NPSR1: variants seen among roughly 807,000 people sequenced by gnomAD.
NPSR1 encodes the protein neuropeptide S receptor.
A neutral mutation model predicts 46.9 loss-of-function variants in NPSR1; 48 were observed. The observed-to-expected ratio is 1.02, with a 90% CI of 0.81 to 1.30. The LOEUF is 1.30. Ranked by LOEUF, NPSR1 falls within the 50% of genes most tolerant of loss-of-function variation. The pLI is 0.00. For missense variants in NPSR1, 450 were observed against 449.5 expected (o/e 1.00, Z -0.01); for synonymous variants, 176 against 168.1 (o/e 1.05, Z -0.36).
At chr7:34,832,296 G>A (rs1299230111) in intron 5 of NPSR1, among the ~76,000 whole-genome samples, 3 of 152,172 alleles carry the variant, frequency 2.0e-5, no homozygotes, top group Admixed American at 6.5e-5. Context: ...CACTCTGGGA[G>A]GCCTAGGCAG....
chr7:34,736,088 A>C (rs576436244), intron 2 of NPSR1, among the ~76,000 whole-genome samples: 1 of 152,226 alleles, frequency 6.6e-6, no homozygotes, highest in African/African-American at 2.4e-5. Context: ...CCAACTTTCT[A>C]CTTTCCTCTA....
At chr7:34,685,571 A>G (rs35784256) in intron 2 of NPSR1, among the ~76,000 whole-genome samples, 2,938 of 152,296 alleles carry the variant, frequency 0.019, 40 homozygotes, top group African/African-American at 0.038. Flanking sequence ...ACTTTCAGAA[A>G]GGGCTATTTG....
At chr7:34,660,546 T>C (rs2128667981) in intron 1 of NPSR1, among the ~76,000 whole-genome samples, 2 of 152,000 alleles carry the variant, frequency 1.3e-5, no homozygotes, top group African/African-American at 4.8e-5. Context: ...TCCCCTTTAA[T>C]CCCCATTGCC....
chr7:34,827,647 G>T, intron 5 of NPSR1, 45 bp downstream of exon 5: 1 of 811,122 alleles, frequency 1.2e-6, no homozygotes. Context: ...GTGGGGCGGG[G>T]GGGGCTTTCC....
chr7:34,716,659 A>T (rs1236164744), intron 2 of NPSR1, among the ~76,000 whole-genome samples: 1 of 152,186 alleles, frequency 6.6e-6, no homozygotes, highest in Non-Finnish European at 1.5e-5. Flanking sequence ...AATTCATTGA[A>T]TATTATGATA....
intron 5 of NPSR1, among the ~76,000 whole-genome samples, chr7:34,828,640 G>A (rs568613913): frequency 3.9e-5 from 6 of 152,326 alleles, no homozygotes; most frequent in East Asian, 1.9e-4. Flanking sequence ...GTAAGCAAAG[G>A]AAGATTATCA....
intron 2 of NPSR1, among the ~76,000 whole-genome samples, chr7:34,769,636 T>C (rs576743837): frequency 2.8e-4 from 42 of 152,308 alleles, no homozygotes; most frequent in African/African-American, 9.4e-4. Flanking sequence ...CTAGAATCAA[T>C]ATTCTGCATT....
chr7:34,796,879 G>A (rs1272312712), intron 3 of NPSR1, among the ~76,000 whole-genome samples: 1 of 152,094 alleles, frequency 6.6e-6, no homozygotes, highest in Non-Finnish European at 1.5e-5. Context: ...GCATACAAAC[G>A]TTTATATCAT....
At chr7:34,659,713 G>A (rs933159397) in intron 1 of NPSR1, among the ~76,000 whole-genome samples, 3 of 152,136 alleles carry the variant, frequency 2.0e-5, no homozygotes, top group African/African-American at 7.2e-5. Context: ...ATGCACATAC[G>A]CAGCCCAGCT....
intron 4 of NPSR1, among the ~76,000 whole-genome samples, chr7:34,813,985 C>A (rs1789118283): frequency 6.6e-6 from 1 of 152,228 alleles, no homozygotes; most frequent in Non-Finnish European, 1.5e-5. Flanking sequence ...CAGCTCCCAG[C>A]ATGATCGATG....
chr7:34,830,845 G>C (rs889814961), intron 5 of NPSR1, among the ~76,000 whole-genome samples: 1 of 152,012 alleles, frequency 6.6e-6, no homozygotes, highest in South Asian at 2.1e-4. Context: ...CTGCTTCATG[G>C]TGAGCTGCTG....
chr7:34,846,778 T>C (rs1790754558), intron 7 of NPSR1, among the ~76,000 whole-genome samples: 1 of 152,184 alleles, frequency 6.6e-6, no homozygotes, highest in African/African-American at 2.4e-5. Context: ...ACAACAGAAT[T>C]GCATTTCTAC....
intron 2 of NPSR1, among the ~76,000 whole-genome samples, chr7:34,775,830 A>T (rs1225524369): frequency 1.3e-5 from 2 of 151,928 alleles, no homozygotes; most frequent in Non-Finnish European, 2.9e-5. Flanking sequence ...TAAGTTGTTT[A>T]TTTAAAGTTT....
chr7:34,752,467 T>C (rs1043741706), intron 2 of NPSR1, among the ~76,000 whole-genome samples: 1 of 152,200 alleles, frequency 6.6e-6, no homozygotes, highest in Admixed American at 6.5e-5. Flanking sequence ...TGTCATGCCT[T>C]AAGTCCCAGG....
chr7:34,847,401 T>TGAGA (rs34726687), intron 7 of NPSR1, among the ~76,000 whole-genome samples: 7 of 146,630 alleles, frequency 4.8e-5, no homozygotes, highest in Admixed American at 1.4e-4. Flanking sequence ...CAGAGGAAAA[T>TGAGA]GAGAGAGAGA....
At chr7:34,751,624 G>T in intron 2 of NPSR1, 1 of 1,601,904 alleles carries the variant, frequency 6.2e-7, no homozygotes, top group East Asian at 2.2e-5. Context: ...TCCACTCACT[G>T]CCTGCTCCAA....
chr7:34,804,162 C>T (rs1788572616), intron 3 of NPSR1, among the ~76,000 whole-genome samples: 1 of 152,012 alleles, frequency 6.6e-6, no homozygotes, highest in Admixed American at 6.6e-5. Flanking sequence ...TGACTTGTTC[C>T]ATGAGGCCAG....
chr7:34,730,366 G>A (rs1784367019), intron 2 of NPSR1, among the ~76,000 whole-genome samples: 1 of 152,060 alleles, frequency 6.6e-6, no homozygotes, highest in Non-Finnish European at 1.5e-5. Flanking sequence ...TGTTCCCTCT[G>A]GCCTGAACAG....
intron 1 of NPSR1, among the ~76,000 whole-genome samples, chr7:34,672,882 A>G (rs11770143): frequency 0.16 from 23,862 of 152,080 alleles, 2,482 homozygotes; most frequent in African/African-American, 0.29. Flanking sequence ...CAGGCCCTGG[A>G]CCTTGTCCCA....
Sources: allele counts gnomAD v4.1 joint callset (sites outside exome capture counted in the v4.1 genomes callset), GRCh38; gene constraint gnomAD v4.1.1; transcripts MANE v1.5; gene names NCBI Gene and HGNC (gene_info 2026-07-23, HGNC 2026-07-21).